ZBTB20: variants seen among roughly 807,000 people sequenced by gnomAD.
ZBTB20 encodes the protein zinc finger and BTB domain containing 20, also known as zinc finger and BTB domain-containing protein 20.
A neutral mutation model predicts 56.9 loss-of-function variants in ZBTB20; 9 were observed. The observed-to-expected ratio is 0.16, with a 90% CI of 0.10 to 0.28. ZBTB20 has a LOEUF of 0.28. Ranked by LOEUF, ZBTB20 falls within the 10% of genes least tolerant of loss-of-function variation. ZBTB20 has a pLI of 1.00. For synonymous variants in ZBTB20, 417 were observed against 420.7 expected (o/e 0.99, Z 0.11); for missense variants, 655 against 1,003.0 (o/e 0.65, Z 4.69).
At chr3:114,565,924 G>A (rs142968800) in intron 6 of ZBTB20, among the ~76,000 whole-genome samples, 2 of 152,102 alleles carry the variant, frequency 1.3e-5, no homozygotes, top group African/African-American at 2.4e-5. Context: ...GGAGCAAATG[G>A]AGCAATTATT....
intron 7 of ZBTB20, among the ~76,000 whole-genome samples, chr3:114,486,141 G>GC (rs1559857060): frequency 1.1e-5 from 1 of 91,500 alleles, no homozygotes; most frequent in African/African-American, 4.1e-5. Flanking sequence ...TGTGTGTGGG[G>GC]GGGGGGGGCG....
Position 114,322,211 on chromosome 3 carries a change from A to G in ZBTB20, c.*16794T>C, listed in dbSNP as rs2078919258. On this transcript the variant is annotated 3_prime_UTR_variant, in exon 12 of 12. Transcript: ENST00000675478. ...TGATTTAGCTCACTCTCTTCCATGGAAGTTTCTTTCTCTCCATCAGTCTCC... is the reference window on the plus strand; with the variant it reads ...TGATTTAGCTCACTCTCTTCCATGGGAGTTTCTTTCTCTCCATCAGTCTCC... The G allele has an allele frequency of 6.6e-6, 1 of 152,262 alleles. No homozygotes were observed. Among genetic ancestry groups the G allele is most frequent in the Admixed American group, 6.5e-5 (1 of 15,280 alleles). The allele number at this position is 152,262 out of a possible 1,614,324, so 9.4% of individuals were successfully genotyped here. A position where few individuals can be genotyped will look rare whatever the true frequency, so the allele number is the denominator to read the frequency against.
chr3:114,990,447 TG>T (rs1470486299), intron 2 of ZBTB20, among the ~76,000 whole-genome samples: 1 of 152,206 alleles, frequency 6.6e-6, no homozygotes, highest in Non-Finnish European at 1.5e-5. Context: ...ATCTCAGGGA[TG>T]AAGCCCACTT....
intron 1 of ZBTB20, among the ~76,000 whole-genome samples, chr3:115,109,296 A>T (rs2083808772): frequency 6.6e-6 from 1 of 152,180 alleles, no homozygotes; most frequent in African/African-American, 2.4e-5. Flanking sequence ...GTCACAGAGA[A>T]GATATAAAAG....
At chr3:114,997,106 C>G (rs2079059064) in intron 2 of ZBTB20, among the ~76,000 whole-genome samples, 2 of 151,910 alleles carry the variant, frequency 1.3e-5, no homozygotes, top group Middle Eastern at 3.4e-3. Flanking sequence ...AAATCTTAAA[C>G]AGTAGGGGCA....
At chr3:114,939,386 C>T (rs2076655406) in intron 3 of ZBTB20, among the ~76,000 whole-genome samples, 2 of 145,936 alleles carry the variant, frequency 1.4e-5, no homozygotes. Flanking sequence ...CAATGGAAAA[C>T]TTATATTTTA....
rs1424684692 is a variant in ZBTB20, at chr3:115,012,518, A to G, written c.-506-38102T>C. Among the ~76,000 whole-genome samples the G allele has an allele frequency of 2.0e-5, 3 of 151,928 alleles. No homozygotes were observed. The East Asian group carries it at 5.8e-4, about 30-fold the overall frequency. ...AAAGGGGTTGATTGAGCACAAGGAT[A>G]TAACAATTGTAATATAGGTACCCAA... On this transcript the variant is annotated intron_variant, in intron 2 of 11. Coordinates refer to ENST00000675478, the MANE Select transcript of ZBTB20 (RefSeq NM_001348800.3).
At chr3:114,564,441 T>C (rs1444221464) in intron 6 of ZBTB20, among the ~76,000 whole-genome samples, 1 of 152,150 alleles carries the variant, frequency 6.6e-6, no homozygotes, top group Non-Finnish European at 1.5e-5. Flanking sequence ...TGGTATCTTA[T>C]TTCTTTAAAC....
intron 1 of ZBTB20, among the ~76,000 whole-genome samples, chr3:115,081,772 A>G (rs985485944): frequency 1.3e-5 from 2 of 152,112 alleles, no homozygotes; most frequent in Admixed American, 6.6e-5. Flanking sequence ...AAATATATCA[A>G]GCTTCTAAAA....
At position 114,317,942 on chromosome 3, in the gene ZBTB20, G is replaced by A. The variant is rs548367820; in HGVS notation, c.*21063C>T. The A allele has an allele frequency of 1.3e-5, 2 of 152,256 alleles. No homozygotes were observed. The highest frequency in any genetic ancestry group is 1.9e-4 in the East Asian group (1 of 5,176). 9.4% of individuals were successfully genotyped at this position (152,256 alleles called of 1,614,324 possible). Reference sequence around the variant, plus strand: ...AGGAAGAAATAGAGGCCTCTCTTCAGCTTTCTGTCATTGACAGTCTCAAGA... The same window carrying A: ...AGGAAGAAATAGAGGCCTCTCTTCAACTTTCTGTCATTGACAGTCTCAAGA... On this transcript the variant is annotated 3_prime_UTR_variant, in exon 12 of 12. Transcript: ENST00000675478.
intron 2 of ZBTB20, among the ~76,000 whole-genome samples, chr3:115,024,168 C>T (rs773516669): frequency 4.0e-5 from 6 of 150,920 alleles, no homozygotes; most frequent in Admixed American, 2.0e-4. Flanking sequence ...TTCTTTAGAC[C>T]CTCCCTTTTT....
chr3:114,990,044 G>A (rs1247657514), intron 2 of ZBTB20, among the ~76,000 whole-genome samples: 3 of 152,160 alleles, frequency 2.0e-5, no homozygotes, highest in African/African-American at 7.2e-5. Context: ...CATGTCATCT[G>A]CAAACAGGGA....
At chr3:114,352,101 C>T (rs2080732828) in intron 10 of ZBTB20, 1 of 587,236 alleles carries the variant, frequency 1.7e-6, no homozygotes, top group East Asian at 2.9e-5. Flanking sequence ...TTTAGTGCCG[C>T]AGCCATTTTG....
intron 2 of ZBTB20, among the ~76,000 whole-genome samples, chr3:115,065,858 C>T (rs1035031364): frequency 2.6e-5 from 4 of 152,082 alleles, no homozygotes; most frequent in African/African-American, 9.7e-5. Flanking sequence ...AAATAGATAT[C>T]CCCTTAAAGT....
At chr3:114,588,994 C>CCCTTATA (rs2055468632) in intron 6 of ZBTB20, among the ~76,000 whole-genome samples, 1 of 152,016 alleles carries the variant, frequency 6.6e-6, no homozygotes, top group Non-Finnish European at 1.5e-5. Context: ...GGGGAAAAGC[C>CCCTTATA]CCTTATAAAA....
At chr3:114,975,605 T>G (rs985276328) in intron 2 of ZBTB20, among the ~76,000 whole-genome samples, 13 of 152,078 alleles carry the variant, frequency 8.5e-5, no homozygotes, top group Non-Finnish European at 1.8e-4. Flanking sequence ...ATATTTGGGG[T>G]GCATCAGCAT....
At chr3:114,923,508 T>C (rs753692524) in intron 3 of ZBTB20, among the ~76,000 whole-genome samples, 11 of 152,298 alleles carry the variant, frequency 7.2e-5, no homozygotes, top group Non-Finnish European at 1.2e-4. Context: ...TTGGGGAAAC[T>C]GGATACTCAA....
chr3:114,616,407 G>A (rs775567106), intron 6 of ZBTB20, among the ~76,000 whole-genome samples: 1 of 152,058 alleles, frequency 6.6e-6, no homozygotes, highest in Non-Finnish European at 1.5e-5. Context: ...TTATCCTTTG[G>A]TTGGTGATGA....
At position 115,072,230 on chromosome 3, in the gene ZBTB20, C is replaced by T. The variant is rs944275448; in HGVS notation, c.-702-816G>A. 3.3e-5 allele frequency among the ~76,000 whole-genome samples: 5 copies of T among 152,042 alleles called. 1 individual carries two copies. Among genetic ancestry groups the T allele is most frequent in the East Asian group, 1.9e-4 (1 of 5,178 alleles). Reference sequence around the variant, plus strand: ...TTATATAATTGATTATTTTTTCCTCCGAGTTGAAGCTCTATATCACCCCAG... The same window carrying T: ...TTATATAATTGATTATTTTTTCCTCTGAGTTGAAGCTCTATATCACCCCAG... On this transcript the variant is annotated intron_variant, in intron 1 of 11. Coordinates refer to ENST00000675478, the MANE Select transcript of ZBTB20 (RefSeq NM_001348800.3).
Sources: allele counts gnomAD v4.1 joint callset (sites outside exome capture counted in the v4.1 genomes callset), GRCh38; gene constraint gnomAD v4.1.1; transcripts MANE v1.5; gene names NCBI Gene and HGNC (gene_info 2026-07-23, HGNC 2026-07-21).